ZBTB7C: variants seen among roughly 807,000 people sequenced by gnomAD.
ZBTB7C encodes zinc finger and BTB domain containing 7C, also known as zinc finger and BTB domain-containing protein 7C.
Under a neutral mutation model 25.7 loss-of-function variants are expected in ZBTB7C, and 8 were observed. That is an observed-to-expected ratio of 0.31 (90% CI 0.18 to 0.56). ZBTB7C has a LOEUF of 0.56. Among genes scored for constraint, ZBTB7C ranks in the 20% least tolerant of loss-of-function variants. ZBTB7C has a pLI of 0.91. For synonymous variants in ZBTB7C, 394 were observed against 369.0 expected (o/e 1.07, Z -0.78); for missense variants, 824 against 855.2 (o/e 0.96, Z 0.46).
intron 3 of ZBTB7C, among the ~76,000 whole-genome samples, chr18:48,061,570 G>A (rs773447843): frequency 2.0e-5 from 3 of 152,166 alleles, no homozygotes; most frequent in Non-Finnish European, 4.4e-5. Context: ...GCACATATAT[G>A]TATGGCCAGC....
intron 2 of ZBTB7C, among the ~76,000 whole-genome samples, chr18:48,194,762 T>C (rs971905167): frequency 6.6e-6 from 1 of 151,828 alleles, no homozygotes; most frequent in South Asian, 2.1e-4. Context: ...GAACCCCAAA[T>C]GCCCGCCAGC....
chr18:48,160,906 T>C (rs2040991243), intron 3 of ZBTB7C, among the ~76,000 whole-genome samples: 1 of 150,260 alleles, frequency 6.7e-6, no homozygotes, highest in Admixed American at 6.6e-5. Context: ...TCTGGGGTCC[T>C]GCATCTGGAA....
In ZBTB7C at chr18:48,028,436, C is replaced by T. The variant is rs902286026; in HGVS notation, c.*824G>A. The T allele has an allele frequency of 6.6e-6, 1 of 152,198 alleles. No individual in the cohort carries two copies. Among genetic ancestry groups the T allele is most frequent in the Non-Finnish European group, 1.5e-5 (1 of 68,060 alleles). The allele number at this position is 152,198 out of a possible 1,614,324, so 9.4% of individuals were successfully genotyped here. ...TGTCTAGTCTGGCCATATTTCTCACCTATGCTAATATGCTAATATAGAGCT... is the reference window on the plus strand; with the variant it reads ...TGTCTAGTCTGGCCATATTTCTCACTTATGCTAATATGCTAATATAGAGCT... On this transcript the variant is annotated 3_prime_UTR_variant, in exon 5 of 5. Coordinates refer to ENST00000590800, the MANE Select transcript of ZBTB7C (RefSeq NM_001318841.2).
In ZBTB7C at chr18:48,188,537, G is replaced by A. The variant is rs1035670481; in HGVS notation, c.-78-2542C>T. On this transcript the variant is annotated intron_variant, in intron 2 of 4. Coordinates refer to ENST00000590800, the MANE Select transcript of ZBTB7C (RefSeq NM_001318841.2). Reference sequence around the variant, plus strand: ...AATTATGGGAGTTACAATTCAAGATGAGATTTGGGTGGGGACACAGCCAAA... The same window carrying A: ...AATTATGGGAGTTACAATTCAAGATAAGATTTGGGTGGGGACACAGCCAAA... Among the ~76,000 whole-genome samples, 3 of 152,312 alleles carry A rather than the reference G, an allele frequency of 2.0e-5. No homozygotes were observed. In the East Asian group the frequency reaches 5.8e-4, roughly 29 times the overall value.
At chr18:48,363,588 G>C (rs955984617) in intron 1 of ZBTB7C, among the ~76,000 whole-genome samples, 3 of 152,170 alleles carry the variant, frequency 2.0e-5, no homozygotes, top group African/African-American at 7.2e-5. Context: ...CCAGGAAAGA[G>C]ATAAAATGAA....
chr18:48,205,128 G>A (rs2042549028), intron 2 of ZBTB7C, among the ~76,000 whole-genome samples: 1 of 152,054 alleles, frequency 6.6e-6, no homozygotes, highest in Admixed American at 6.5e-5. Context: ...TAGCCAGGAA[G>A]TATTTACTGA....
rs533429719 is a variant in ZBTB7C at position 48,256,867 on chromosome 18, AT to A, written c.-78-70873del. Among the ~76,000 whole-genome samples, 275 of 152,186 alleles carry A rather than the reference AT, an allele frequency of 1.8e-3. 2 individuals carry two copies. Among genetic ancestry groups the A allele is most frequent in the African/African-American group, 6.2e-3 (257 of 41,574 alleles). Reference sequence around the variant, plus strand: ...AATACAGGTAATACAAATATAGGAAATACAGGTAGTTAACAAAGGAGATAAA... The same window carrying A: ...AATACAGGTAATACAAATATAGGAAAACAGGTAGTTAACAAAGGAGATAAA... On this transcript the variant is annotated intron_variant, in intron 2 of 4. Coordinates refer to ENST00000590800, the MANE Select transcript of ZBTB7C (RefSeq NM_001318841.2).
intron 2 of ZBTB7C, among the ~76,000 whole-genome samples, chr18:48,216,884 G>A (rs577064128): frequency 2.6e-4 from 40 of 152,212 alleles, no homozygotes; most frequent in Non-Finnish European, 5.0e-4. Flanking sequence ...TAAGAACACT[G>A]CAGATGTAAT....
intron 2 of ZBTB7C, among the ~76,000 whole-genome samples, chr18:48,326,082 A>T (rs2046211912): frequency 6.9e-6 from 1 of 145,048 alleles, no homozygotes; most frequent in African/African-American, 2.6e-5. Flanking sequence ...GATAATGCAT[A>T]CTCTACCAAC....
At chr18:48,216,804 T>C (rs77839748) in intron 2 of ZBTB7C, among the ~76,000 whole-genome samples, 46 of 152,290 alleles carry the variant, frequency 3.0e-4, no homozygotes, top group Non-Finnish European at 5.6e-4. Context: ...TCATCATTTG[T>C]TGTGGGTTGA....
intron 2 of ZBTB7C, among the ~76,000 whole-genome samples, chr18:48,278,715 AC>A (rs1229016812): frequency 2.0e-5 from 3 of 152,148 alleles, no homozygotes; most frequent in Non-Finnish European, 4.4e-5. Context: ...GGCATGAGCC[AC>A]CGCGTCCAGC....
Position 48,062,087 on chromosome 18 carries a change from TGAGA to T in ZBTB7C, c.-16-20968_-16-20965del, listed in dbSNP as rs1208037743. 9.8e-5 allele frequency among the ~76,000 whole-genome samples: 15 copies of T among 152,334 alleles called. 1 individual carries two copies. In the East Asian group the frequency reaches 1.7e-3, roughly 18 times the overall value. ...GGAGCTAAATCTCCCAAGGAAAACA[TGAGA>T]GAATCTTATTTCTTCTCATTAAACA... On this transcript the variant is annotated intron_variant, in intron 3 of 4. Coordinates refer to ENST00000590800, the MANE Select transcript of ZBTB7C (RefSeq NM_001318841.2).
chr18:48,401,773 C>A (rs908798683), intron 1 of ZBTB7C, among the ~76,000 whole-genome samples: 2 of 152,172 alleles, frequency 1.3e-5, no homozygotes, highest in Admixed American at 1.3e-4. Flanking sequence ...ATGCCACCCT[C>A]CCGCCTGGGT....
At chr18:48,227,116 C>G (rs2043123068) in intron 2 of ZBTB7C, among the ~76,000 whole-genome samples, 1 of 152,020 alleles carries the variant, frequency 6.6e-6, no homozygotes, top group Non-Finnish European at 1.5e-5. Flanking sequence ...CTCCTACCAA[C>G]CTGCCTCTTC....
At chr18:48,084,692 C>A (rs1005611272) in intron 3 of ZBTB7C, among the ~76,000 whole-genome samples, 1 of 152,186 alleles carries the variant, frequency 6.6e-6, no homozygotes, top group Non-Finnish European at 1.5e-5. Context: ...ACCCTCCGGG[C>A]CAGTGCTGGG....
chr18:48,127,809 G>A (rs1182800282), intron 3 of ZBTB7C, among the ~76,000 whole-genome samples: 1 of 152,226 alleles, frequency 6.6e-6, no homozygotes, highest in African/African-American at 2.4e-5. Context: ...CGCCACAGGA[G>A]TGGGAGAGGA....
chr18:48,174,753 A>C (rs1384814474), intron 3 of ZBTB7C, among the ~76,000 whole-genome samples: 1 of 152,266 alleles, frequency 6.6e-6, no homozygotes. Context: ...CTGCCAGGAA[A>C]TATTACTGAA....
intron 3 of ZBTB7C, among the ~76,000 whole-genome samples, chr18:48,164,353 CA>C (rs1251707851): frequency 2.0e-5 from 3 of 152,172 alleles, no homozygotes; most frequent in African/African-American, 7.2e-5. Flanking sequence ...GCTGAAGACT[CA>C]GACTTCTCAT....
chr18:48,219,265 C>T (rs749329946), intron 2 of ZBTB7C, among the ~76,000 whole-genome samples: 1 of 152,032 alleles, frequency 6.6e-6, no homozygotes, highest in Non-Finnish European at 1.5e-5. Context: ...CATATGCTGC[C>T]GGCCCCTGCC....
Sources: gnomAD v4.1 joint callset for allele counts (sites outside exome capture counted in the v4.1 genomes callset) on GRCh38, gnomAD v4.1.1 for gene constraint, MANE v1.5 for transcripts, NCBI Gene and HGNC (gene_info 2026-07-23, HGNC 2026-07-21) for gene names.